Variants in PLCL2 observed in about 807,000 individuals in gnomAD.
The protein encoded by PLCL2 is inactive phospholipase C-like protein 2.
A neutral mutation model predicts 79.6 loss-of-function variants in PLCL2; 4 were observed. The ratio of observed to expected loss-of-function variants is 0.05; its 90% CI spans 0.02 to 0.11. PLCL2 has a LOEUF of 0.11. PLCL2 is among the 10% of genes least tolerant of loss of function. PLCL2 has a pLI of 1.00. For missense variants in PLCL2, 895 were observed against 1,291.0 expected (o/e 0.69, Z 4.70); for synonymous variants, 484 against 457.7 (o/e 1.06, Z -0.73).
Position 16,887,914 on chromosome 3 carries a change from C to CTG in PLCL2, c.327+2549_327+2550dup, listed in dbSNP as rs1696260983. Among the ~76,000 whole-genome samples, 1 of 151,880 alleles carries CTG rather than the reference C, an allele frequency of 6.6e-6. No individual in the cohort carries two copies. The highest frequency in any genetic ancestry group is 2.4e-5 in the African/African-American group (1 of 41,314). On this transcript the variant is annotated intron_variant, in intron 1 of 5. Coordinates refer to ENST00000615277, the MANE Select transcript of PLCL2 (RefSeq NM_001144382.2). This position sits in a 1 kb window ranked among gnomAD's most constrained non-coding sequence, Gnocchi z 4.1. ...AGGGATGAATGCAGTCAGGTGGTCT[C>CTG]TGAGTAGAGGCAGGAGTAGATTAGT...
At chr3:17,002,115 T>G (rs2064217780) in intron 1 of PLCL2, among the ~76,000 whole-genome samples, 1 of 152,118 alleles carries the variant, frequency 6.6e-6, no homozygotes, top group Admixed American at 6.5e-5. Flanking sequence ...TAAATGTGAT[T>G]GCTTTCTTGA....
rs185106780 is a variant in PLCL2, at chr3:17,060,831, G to A, written c.3095-7125G>A. The stretch of plus-strand genomic sequence containing the variant: ...GAAATATATCACTACACCTAATTTG[G>A]GGAATTGGAAATAAATTAAAAATAT... On this transcript the variant is annotated intron_variant, in intron 4 of 5. Coordinates refer to ENST00000615277, the MANE Select transcript of PLCL2 (RefSeq NM_001144382.2). 8.6e-4 allele frequency among the ~76,000 whole-genome samples: 131 copies of A among 152,032 alleles called. 1 individual carries two copies. The highest frequency in any genetic ancestry group is 1.7e-3 in the Non-Finnish European group (117 of 67,976).
intron 1 of PLCL2, among the ~76,000 whole-genome samples, chr3:16,985,333 C>T (rs768811332): frequency 6.6e-6 from 1 of 152,022 alleles, no homozygotes; most frequent in Non-Finnish European, 1.5e-5. Flanking sequence ...TTCCATAGTA[C>T]GTGGCCCACA....
chr3:16,994,059 T>G (rs1427067525), intron 1 of PLCL2, among the ~76,000 whole-genome samples: 1 of 152,182 alleles, frequency 6.6e-6, no homozygotes, highest in Non-Finnish European at 1.5e-5. Context: ...GACACAAGAT[T>G]CATTGAAGCA....
chr3:17,040,261 T>G (rs977333653), intron 3 of PLCL2, among the ~76,000 whole-genome samples: 1 of 152,170 alleles, frequency 6.6e-6, no homozygotes, highest in East Asian at 1.9e-4. Context: ...TTACAGAGTT[T>G]AGGAGGCAGA....
intron 5 of PLCL2, among the ~76,000 whole-genome samples, chr3:17,071,984 G>A (rs958775779): frequency 7.9e-5 from 12 of 152,044 alleles, no homozygotes; most frequent in Admixed American, 7.9e-4. Context: ...GTGCCACCAT[G>A]CCCAGCTAAT....
Position 16,928,333 on chromosome 3 carries a change from A to T in PLCL2, c.327+42967A>T, listed in dbSNP as rs2124940514. ...TTTTAGCTGAGACATCTGTGGAGGTAGACCAGTTTGGGAGACCAGGCAGTA... is the reference window on the plus strand; with the variant it reads ...TTTTAGCTGAGACATCTGTGGAGGTTGACCAGTTTGGGAGACCAGGCAGTA... On this transcript the variant is annotated intron_variant, in intron 1 of 5. Coordinates refer to ENST00000615277, the MANE Select transcript of PLCL2 (RefSeq NM_001144382.2). Among the ~76,000 whole-genome samples, 3 of 152,368 alleles carry T rather than the reference A, an allele frequency of 2.0e-5. No individual in the cohort carries two copies. In the South Asian group the frequency reaches 6.2e-4, roughly 32 times the overall value.
At chr3:17,012,893 G>A (rs1202501801) in intron 2 of PLCL2, among the ~76,000 whole-genome samples, 1 of 152,092 alleles carries the variant, frequency 6.6e-6, no homozygotes, top group African/African-American at 2.4e-5. Context: ...GTGAGAAGTG[G>A]TGTGTGTGTG....
chr3:17,052,352 A>G (rs978914235), intron 4 of PLCL2, among the ~76,000 whole-genome samples: 1 of 151,934 alleles, frequency 6.6e-6, no homozygotes, highest in Non-Finnish European at 1.5e-5. Context: ...CTTGACGGAG[A>G]TGAGTGCTTC....
At position 17,009,897 on chromosome 3, in the gene PLCL2, C is replaced by T; in HGVS notation, c.551C>T (p.Ala184Val). 1 of 1,612,970 alleles carries T rather than the reference C, an allele frequency of 6.2e-7. No homozygotes were observed. The highest frequency in any genetic ancestry group is 8.5e-7 in the Non-Finnish European group (1 of 1,179,020). Residue 184 changes from alanine to valine, a missense_variant, in exon 2 of 6, where the codon GCC becomes GTC. This residue lies in a region of PLCL2 where 129 missense variants were observed against 208.8 expected (regional missense o/e 0.62). Transcript: ENST00000615277. This position sits in a 1 kb window ranked among gnomAD's most constrained non-coding sequence, Gnocchi z 4.0. ...WEPSKKDSEK[A>V]KIDIKSIKEV... ...CCATCTAAGAAGGATTCTGAGAAAG[C>T]CAAGATTGACATTAAATCCATCAAG...
intron 1 of PLCL2, among the ~76,000 whole-genome samples, chr3:16,907,776 A>G (rs925622994): frequency 6.6e-6 from 1 of 152,196 alleles, no homozygotes; most frequent in Admixed American, 6.5e-5. Context: ...AACGTACAGC[A>G]TAACAAAAGT....
intron 4 of PLCL2, among the ~76,000 whole-genome samples, chr3:17,058,077 CAG>C (rs1267651658): frequency 6.6e-6 from 1 of 152,138 alleles, no homozygotes; most frequent in Non-Finnish European, 1.5e-5. Context: ...CCTGATCACA[CAG>C]AGGAGGAGTG....
intron 1 of PLCL2, among the ~76,000 whole-genome samples, chr3:16,892,842 C>T (rs1257885735): frequency 2.6e-5 from 4 of 152,108 alleles, no homozygotes; most frequent in Non-Finnish European, 5.9e-5. Context: ...TTGGGAATTT[C>T]CAAGCAAGGT....
At chr3:17,061,261 A>G (rs1490753118) in intron 4 of PLCL2, among the ~76,000 whole-genome samples, 1 of 152,186 alleles carries the variant, frequency 6.6e-6, no homozygotes, top group East Asian at 1.9e-4. Context: ...TCAAAGCAAA[A>G]GCCTCTTTTT....
At chr3:17,036,705 G>A (rs1196593628) in intron 3 of PLCL2, among the ~76,000 whole-genome samples, 12 of 152,184 alleles carry the variant, frequency 7.9e-5, no homozygotes, top group Admixed American at 3.9e-4. Flanking sequence ...CACCAGGGAC[G>A]TTGAGCTTTA....
intron 4 of PLCL2, among the ~76,000 whole-genome samples, chr3:17,054,447 C>G (rs2064873628): frequency 6.6e-6 from 1 of 152,080 alleles, no homozygotes; most frequent in Non-Finnish European, 1.5e-5. Flanking sequence ...TTACCAGTTC[C>G]AAAGCTGCTT....
chr3:16,900,246 G>A (rs188605994), intron 1 of PLCL2, among the ~76,000 whole-genome samples: 142 of 152,276 alleles, frequency 9.3e-4, no homozygotes, highest in Non-Finnish European at 6.3e-4. Context: ...AAGAATTTAA[G>A]AAGTCAGGGC....
chr3:16,971,066 A>G (rs1486152038), intron 1 of PLCL2, among the ~76,000 whole-genome samples: 1 of 151,534 alleles, frequency 6.6e-6, no homozygotes, highest in Non-Finnish European at 1.5e-5. Flanking sequence ...CTTTAGTTTA[A>G]TTAGATCCCA....
At chr3:16,934,047 A>T (rs1348743882) in intron 1 of PLCL2, among the ~76,000 whole-genome samples, 1 of 152,184 alleles carries the variant, frequency 6.6e-6, no homozygotes, top group Non-Finnish European at 1.5e-5. Context: ...AGCCTGAACG[A>T]CAGAGTGAGA....
Sources: gnomAD v4.1 joint callset for allele counts (sites outside exome capture counted in the v4.1 genomes callset) on GRCh38, gnomAD v4.1.1 for gene constraint, gnomAD v4.1.1 regional missense constraint, Gnocchi (gnomAD v3.1) non-coding constraint, MANE v1.5 for transcripts, NCBI Gene and HGNC (gene_info 2026-07-23, HGNC 2026-07-21) for gene names.